GRIN2A: variants seen among roughly 807,000 people sequenced by gnomAD.
GRIN2A encodes glutamate ionotropic receptor NMDA type subunit 2A, also known as glutamate receptor ionotropic, NMDA 2A.
Under a neutral mutation model 113.4 loss-of-function variants are expected in GRIN2A, and 22 were observed. The observed-to-expected ratio is 0.19, with a 90% CI of 0.14 to 0.28. The LOEUF (loss-of-function observed/expected upper bound fraction) is 0.28. GRIN2A is among the 10% of genes least tolerant of loss of function. The pLI is 1.00. For synonymous variants in GRIN2A, 827 were observed against 738.4 expected (o/e 1.12, Z -1.94); for missense variants, 1,502 against 1,887.0 (o/e 0.80, Z 3.78).
chr16:10,164,375 C>T (rs541266749), intron 2 of GRIN2A, among the ~76,000 whole-genome samples: 6 of 152,300 alleles, frequency 3.9e-5, no homozygotes, highest in South Asian at 2.1e-4. Context: ...GTCTGCGGGA[C>T]GGACCCCGCA....
chr16:9,807,903 G>C (rs2141260487), intron 10 of GRIN2A, among the ~76,000 whole-genome samples: 1 of 152,312 alleles, frequency 6.6e-6, no homozygotes, highest in African/African-American at 2.4e-5. Context: ...TTTATGCACT[G>C]GTTGAATGAA....
intron 3 of GRIN2A, among the ~76,000 whole-genome samples, chr16:9,916,209 T>C (rs556065843): frequency 1.8e-4 from 27 of 152,328 alleles, no homozygotes; most frequent in African/African-American, 6.5e-4. Context: ...TAAAACACTA[T>C]ATAACATTAT....
intron 2 of GRIN2A, chr16:10,111,913 G>C (rs2048622597): frequency 1.2e-6 from 1 of 816,364 alleles, no homozygotes; most frequent in Non-Finnish European, 2.1e-6. Flanking sequence ...CCTCAGTGAG[G>C]TGATGACGCC....
intron 4 of GRIN2A, among the ~76,000 whole-genome samples, chr16:9,855,721 G>A (rs148053932): frequency 6.6e-6 from 1 of 152,270 alleles, no homozygotes; most frequent in Non-Finnish European, 1.5e-5. Flanking sequence ...AATTCTGTAT[G>A]GCAACCATAT....
In GRIN2A at chr16:9,789,454, C is replaced by G. The variant is rs543309635; in HGVS notation, c.2356+8823G>C. Among the ~76,000 whole-genome samples the G allele has an allele frequency of 3.3e-5, 5 of 152,190 alleles. No individual in the cohort carries two copies. In the East Asian group the frequency reaches 7.7e-4, roughly 24 times the overall value. ...GACATGGAAGAACCATGAGTTCTGA[C>G]TTATGTTGCTGACTATTATGTGGGA... On this transcript the variant is annotated intron_variant, in intron 11 of 12. Coordinates refer to ENST00000330684, the MANE Select transcript of GRIN2A (RefSeq NM_001134407.3).
In GRIN2A at chr16:9,763,281, A is replaced by G. The variant is rs1364604565; in HGVS notation, c.4263T>C (p.Asp1421=). ...GCATAACATGCTCCGAAATATACAC[A>G]TCATTGTGGCCCCGACTGTCCCTGG... ...YCSRDSRGHN[D]VYISEHVMPY... The change falls in exon 13 of 13, where the codon GAT becomes GAC. Residue 1421 remains aspartate (D), a synonymous_variant. Coordinates refer to ENST00000330684, the MANE Select transcript of GRIN2A (RefSeq NM_001134407.3). 4 of 1,613,984 alleles carry G rather than the reference A, an allele frequency of 2.5e-6. No individual in the cohort carries two copies. Among genetic ancestry groups the G allele is most frequent in the African/African-American group, 1.3e-5 (1 of 74,902 alleles).
At chr16:10,077,945 A>G (rs1311353064) in intron 2 of GRIN2A, among the ~76,000 whole-genome samples, 2 of 152,134 alleles carry the variant, frequency 1.3e-5, no homozygotes, top group African/African-American at 2.4e-5. Context: ...CCTGGATCAG[A>G]CAGCTCTGCT....
intron 4 of GRIN2A, among the ~76,000 whole-genome samples, chr16:9,857,328 T>C (rs535798428): frequency 1.1e-4 from 16 of 152,342 alleles, no homozygotes; most frequent in African/African-American, 3.4e-4. Flanking sequence ...TGACTCATTA[T>C]GACAAATATA....
At chr16:10,177,762 T>A (rs1395211662) in intron 2 of GRIN2A, among the ~76,000 whole-genome samples, 1 of 152,224 alleles carries the variant, frequency 6.6e-6, no homozygotes, top group Non-Finnish European at 1.5e-5. Context: ...GGAAGAACAG[T>A]TGCTGGTCTA....
intron 11 of GRIN2A, among the ~76,000 whole-genome samples, chr16:9,778,388 G>A (rs1596394232): frequency 6.6e-6 from 1 of 152,200 alleles, no homozygotes; most frequent in Non-Finnish European, 1.5e-5. Context: ...GCATTTGTGA[G>A]CACAAATGAA....
intron 2 of GRIN2A, among the ~76,000 whole-genome samples, chr16:9,944,647 T>G (rs1596350242): frequency 6.6e-6 from 1 of 152,088 alleles, no homozygotes; most frequent in African/African-American, 2.4e-5. Flanking sequence ...GAATCTTGCA[T>G]GTCCTTCAGA....
chr16:10,061,383 T>C (rs2047547892), intron 2 of GRIN2A, among the ~76,000 whole-genome samples: 1 of 152,230 alleles, frequency 6.6e-6, no homozygotes, highest in African/African-American at 2.4e-5. Context: ...ATTTCCAGGC[T>C]TATTTATTGG....
chr16:10,174,025 A>AT (rs1226576672), intron 2 of GRIN2A, among the ~76,000 whole-genome samples: 1 of 152,238 alleles, frequency 6.6e-6, no homozygotes, highest in African/African-American at 2.4e-5. Flanking sequence ...GTAATCCCTA[A>AT]AAATAAATGA....
At chr16:9,851,305 G>A (rs1381558774) in intron 4 of GRIN2A, among the ~76,000 whole-genome samples, 7 of 152,278 alleles carry the variant, frequency 4.6e-5, no homozygotes, top group East Asian at 1.9e-4. Context: ...ATAGGATGGC[G>A]AGTAGAGCAA....
At chr16:9,869,706 GAAAT>G (rs1198436284) in intron 4 of GRIN2A, among the ~76,000 whole-genome samples, 1 of 152,176 alleles carries the variant, frequency 6.6e-6, no homozygotes, top group Admixed American at 6.5e-5. Context: ...TATTCTCATG[GAAAT>G]AAATAAAGTA....
At chr16:10,155,071 T>G (rs2049661250) in intron 2 of GRIN2A, among the ~76,000 whole-genome samples, 2 of 152,218 alleles carry the variant, frequency 1.3e-5, no homozygotes, top group Admixed American at 1.3e-4. Context: ...GAGGATCCCA[T>G]GATGTACAGC....
At chr16:9,892,859 AT>A (rs2043723053) in intron 3 of GRIN2A, among the ~76,000 whole-genome samples, 1 of 151,724 alleles carries the variant, frequency 6.6e-6, no homozygotes, top group South Asian at 2.1e-4. Flanking sequence ...GGATTGAAGC[AT>A]TCAAAGACTT....
At chr16:10,152,815 C>G (rs2049610777) in intron 2 of GRIN2A, among the ~76,000 whole-genome samples, 1 of 152,136 alleles carries the variant, frequency 6.6e-6, no homozygotes, top group Non-Finnish European at 1.5e-5. Context: ...ATGCATATTT[C>G]TAAGTGAAAG....
At chr16:9,860,465 A>G (rs1382637940) in intron 4 of GRIN2A, among the ~76,000 whole-genome samples, 8 of 151,112 alleles carry the variant, frequency 5.3e-5, no homozygotes, top group Non-Finnish European at 1.2e-4. Flanking sequence ...AAAAAAAAAA[A>G]AAAAAGAAAG....
Sources: gnomAD v4.1 joint callset for allele counts (sites outside exome capture counted in the v4.1 genomes callset) on GRCh38, gnomAD v4.1.1 for gene constraint, MANE v1.5 for transcripts, NCBI Gene and HGNC (gene_info 2026-07-23, HGNC 2026-07-21) for gene names.